The following ZEB2 variants were observed in gnomAD, a reference collection of about 807,000 sequenced individuals.
ZEB2 encodes the protein zinc finger E-box binding homeobox 2, also known as zinc finger E-box-binding homeobox 2.
A neutral mutation model predicts 99.9 loss-of-function variants in ZEB2; 6 were observed. The observed-to-expected ratio is 0.06, with a 90% confidence interval of 0.03 to 0.12. The LOEUF (loss-of-function observed/expected upper bound fraction) is 0.12, where lower values mean the gene tolerates loss of function less well. Among genes scored for constraint, ZEB2 ranks in the 10% least tolerant of loss-of-function variants. ZEB2 has a pLI of 1.00. For missense variants in ZEB2, 969 were observed against 1,502.8 expected (o/e 0.64, Z 5.87); for synonymous variants, 517 against 542.5 (o/e 0.95, Z 0.65).
intron 2 of ZEB2, among the ~76,000 whole-genome samples, chr2:144,497,988 TAATATTATATATTATATA>T (rs1704800503): frequency 2.4e-4 from 1 of 4,228 alleles, no homozygotes; most frequent in Non-Finnish European, 4.4e-4. Flanking sequence ...TATAATATAT[TAATATTATATATTATATA>T]ATATATTAAT....
At chr2:144,438,688 G>A (rs1280826187) in intron 2 of ZEB2, among the ~76,000 whole-genome samples, 1 of 152,128 alleles carries the variant, frequency 6.6e-6, no homozygotes, top group African/African-American at 2.4e-5. Context: ...TGAAATCTCA[G>A]TTTTAAGCTA....
intron 2 of ZEB2, among the ~76,000 whole-genome samples, chr2:144,464,884 G>C (rs546971203): frequency 6.6e-6 from 1 of 152,278 alleles, no homozygotes; most frequent in South Asian, 2.1e-4. Flanking sequence ...CATAAAACAA[G>C]CCTTAATGAG....
intron 2 of ZEB2, among the ~76,000 whole-genome samples, chr2:144,455,511 C>T (rs915278456): frequency 2.0e-5 from 3 of 152,120 alleles, no homozygotes; most frequent in African/African-American, 4.8e-5. Context: ...AGGAAGCATA[C>T]GGTTTGGAAG....
chr2:144,512,354 G>A (rs975290446), intron 2 of ZEB2: 1 of 1,287,068 alleles, frequency 7.8e-7, no homozygotes, highest in Non-Finnish European at 1.0e-6. Flanking sequence ...CCACATCTTA[G>A]AATAAACGCG....
Position 144,412,007 on chromosome 2 carries a change from C to T in ZEB2, c.404-6983G>A, listed in dbSNP as rs7587195. On this transcript the variant is annotated intron_variant, in intron 4 of 9. Transcript: ENST00000627532. ...AAGATAGGCCGGGCACGGTGGCTTA[C>T]GCCTGTAATCCCAGCACTTTGGGAG... Among the ~76,000 whole-genome samples, 1,279 of 152,356 alleles carry T rather than the reference C, an allele frequency of 8.4e-3. 15 individuals carry two copies. The highest frequency in any genetic ancestry group is 0.029 in the African/African-American group (1,206 of 41,570).
rs956837501 is a variant in ZEB2, at chr2:144,389,416, A to G, written c.*35T>C. ...TTCAAGCAGGTAACAATACTACTGGAAAAAAAAATAGGAAGCTTAAAATGC... is the reference window on the plus strand; with the variant it reads ...TTCAAGCAGGTAACAATACTACTGGGAAAAAAAATAGGAAGCTTAAAATGC... On this transcript the variant is annotated 3_prime_UTR_variant, in exon 10 of 10. Coordinates refer to ENST00000627532, the MANE Select transcript of ZEB2 (RefSeq NM_014795.4). The surrounding 1 kb of genome is among the most constrained non-coding windows in gnomAD (Gnocchi z 6.8). 1.6e-5 allele frequency: 26 copies of G among 1,577,022 alleles called. No individual in the cohort carries two copies. The South Asian group carries it at 2.0e-4, about 12-fold the overall frequency.
chr2:144,512,835 A>G lies in ZEB2; in HGVS notation c.73+4443T>C, dbSNP rs996815979. The G allele has an allele frequency of 2.3e-6, 3 of 1,287,108 alleles. No homozygotes were observed. The African/African-American group carries it at 4.6e-5, about 20-fold the overall frequency. The allele number at this position is 1,287,108 out of a possible 1,614,324, so 79.7% of individuals were successfully genotyped here. A position where few individuals can be genotyped will look rare whatever the true frequency, so the allele number is the denominator to read the frequency against. On this transcript the variant is annotated intron_variant, in intron 2 of 9. Transcript: ENST00000627532. ...GACAAAACTTGCAGAAGATCTCCAC[A>G]GAGAAAAAAGGATGGAGATGGATAT...
chr2:144,478,342 C>T (rs1217738871), intron 2 of ZEB2, among the ~76,000 whole-genome samples: 1 of 152,130 alleles, frequency 6.6e-6, no homozygotes, highest in South Asian at 2.1e-4. Flanking sequence ...AAATGCAGTT[C>T]CGATTAAAGT....
At chr2:144,440,716 C>T (rs1177411535) in intron 2 of ZEB2, among the ~76,000 whole-genome samples, 3 of 151,462 alleles carry the variant, frequency 2.0e-5, no homozygotes, top group Non-Finnish European at 2.9e-5. Context: ...ACCCTTTACC[C>T]TTTAAATTTT....
chr2:144,395,751 C>T lies in ZEB2; in HGVS notation c.3067+661G>A, dbSNP rs558819965. On this transcript the variant is annotated intron_variant, in intron 9 of 9. Transcript: ENST00000627532. ...AAAATTAACCCACTATCTCTCTACT[C>T]ATAGTGAAGAATTAGGCTGTTTTCT... Among the ~76,000 whole-genome samples the T allele has an allele frequency of 1.6e-3, 250 of 152,316 alleles. 6 individuals are homozygous for T. The highest frequency in any genetic ancestry group is 0.014 in the South Asian group (68 of 4,826).
intron 4 of ZEB2, among the ~76,000 whole-genome samples, chr2:144,406,565 A>G (rs902429392): frequency 6.6e-6 from 1 of 152,116 alleles, no homozygotes. Context: ...AGCATGGGAC[A>G]TCTCAGGATG....
At chr2:144,420,231 A>C (rs1186015024) in intron 4 of ZEB2, among the ~76,000 whole-genome samples, 4 of 152,074 alleles carry the variant, frequency 2.6e-5, no homozygotes, top group Non-Finnish European at 5.9e-5. Flanking sequence ...CGACATATAC[A>C]TTCTGATTAT....
At chr2:144,427,925 T>C (rs1396269874) in intron 3 of ZEB2, 1 of 152,232 alleles carries the variant, frequency 6.6e-6, no homozygotes, top group East Asian at 1.9e-4. Flanking sequence ...TATGGATTAC[T>C]GTATATTAAA....
In ZEB2 at chr2:144,520,104, A is replaced by G. The variant is rs1481701082; in HGVS notation, c.-235T>C. The G allele has an allele frequency of 1.1e-5, 5 of 454,562 alleles. No homozygotes were observed. Among genetic ancestry groups the G allele is most frequent in the Non-Finnish European group, 2.2e-5 (5 of 226,788 alleles). The allele number at this position is 454,562 out of a possible 1,614,324, so 28.2% of individuals were successfully genotyped here. On this transcript the variant is annotated 5_prime_UTR_variant, in exon 1 of 10. Transcript: ENST00000627532. ...CGGGAGGCAGGACCGTTATTCCTGCAGAGCAGGTTAGAACTGATCTCTTTC... is the reference window on the plus strand; with the variant it reads ...CGGGAGGCAGGACCGTTATTCCTGCGGAGCAGGTTAGAACTGATCTCTTTC...
Position 144,398,475 on chromosome 2 carries a change from A to G in ZEB2, c.2712T>C (p.Phe904=), listed in dbSNP as rs1703260138. 2 of 1,613,874 alleles carry G rather than the reference A, an allele frequency of 1.2e-6. No individual in the cohort carries two copies. The highest frequency in any genetic ancestry group is 1.3e-5 in the African/African-American group (1 of 74,882). The change falls in exon 8 of 10, where the codon TTT becomes TTC. Residue 904 remains phenylalanine, a synonymous_variant. Coordinates refer to ENST00000627532, the MANE Select transcript of ZEB2 (RefSeq NM_014795.4). ...LYTALPPQSA[F]PPATFMPPVQ... The stretch of plus-strand genomic sequence containing the variant: ...CTGGTGGCATGAAAGTAGCAGGGGG[A>G]AATGCGCTTTGAGGTGGAAGAGCTG...
chr2:144,387,840 G>T lies in ZEB2; in HGVS notation c.*1611C>A, dbSNP rs1043132571. ...ATCAGTTGAGAAAAGCTGTAAAATT[G>T]CTGTACATAGGTATGGAATTTTAAA... On this transcript the variant is annotated 3_prime_UTR_variant, in exon 10 of 10. Coordinates refer to ENST00000627532, the MANE Select transcript of ZEB2 (RefSeq NM_014795.4). 1 of 152,126 alleles carries T rather than the reference G, an allele frequency of 6.6e-6. No individual in the cohort carries two copies. Among genetic ancestry groups the T allele is most frequent in the East Asian group, 1.9e-4 (1 of 5,198 alleles). 9.4% of individuals were successfully genotyped at this position (152,126 alleles called of 1,614,324 possible).
chr2:144,515,228 A>C (rs995223011), intron 2 of ZEB2, among the ~76,000 whole-genome samples: 3 of 152,184 alleles, frequency 2.0e-5, no homozygotes, highest in African/African-American at 7.2e-5. Flanking sequence ...TGTTTAACAG[A>C]AGAGGGAAAA....
intron 4 of ZEB2, 133 bp downstream of exon 4, chr2:144,424,663 C>A (rs536190093): frequency 5.3e-4 from 578 of 1,082,356 alleles, no homozygotes; most frequent in Non-Finnish European, 7.6e-4. Flanking sequence ...TGAAACAAAA[C>A]CAGAGACCTG....
At chr2:144,434,095 T>G (rs1703806980) in intron 2 of ZEB2, among the ~76,000 whole-genome samples, 1 of 152,204 alleles carries the variant, frequency 6.6e-6, no homozygotes, top group Non-Finnish European at 1.5e-5. Context: ...CAGTTGCTAA[T>G]GTATTAACAT....
Sources: allele counts gnomAD v4.1 joint callset (sites outside exome capture counted in the v4.1 genomes callset), GRCh38; gene constraint gnomAD v4.1.1; non-coding constraint Gnocchi (gnomAD v3.1); transcripts MANE v1.5; gene names NCBI Gene and HGNC (gene_info 2026-07-23, HGNC 2026-07-21).